The following TAF1 variants were observed in gnomAD, a reference collection of about 807,000 sequenced individuals.
The protein encoded by TAF1 is transcription initiation factor TFIID subunit 1.
In TAF1, 2 loss-of-function variants were observed where a neutral mutation model predicts 138.5. The observed-to-expected ratio is 0.01, with a 90% CI of 0.01 to 0.05. The LOEUF is 0.05. TAF1 is among the 10% of genes least tolerant of loss of function. The pLI is 1.00. For synonymous variants in TAF1, 437 were observed against 503.2 expected, an observed-to-expected ratio of 0.87 and a Z score of 1.76; for missense variants, 709 against 1,478.0, an observed-to-expected ratio of 0.48 and a Z score of 8.53.
chrX:71,429,132 G>A (rs930150521), intron 32 of TAF1, among the ~76,000 whole-genome samples: 48 of 110,450 alleles, frequency 4.3e-4, no homozygotes, highest in African/African-American at 1.5e-3. Flanking sequence ...AAAATTAGCC[G>A]GGCGTGGTGG....
At chrX:71,456,347 T>G (rs1048399209) in intron 34 of TAF1, among the ~76,000 whole-genome samples, 4 of 111,836 alleles carry the variant, frequency 3.6e-5, no homozygotes, top group Non-Finnish European at 7.5e-5. Flanking sequence ...TTTGGTGCAG[T>G]TAGAGGGTTT....
chrX:71,481,006 C>A lies in TAF1; in HGVS notation c.1366+20203C>A, dbSNP rs761156422. Among the ~76,000 whole-genome samples the A allele has an allele frequency of 2.6e-3, 289 of 112,297 alleles. 1 individual carries two copies. The highest frequency in any genetic ancestry group is 9.0e-3 in the African/African-American group (279 of 30,983). On this transcript the variant is annotated intron_variant and NMD_transcript_variant, in intron 13 of 14. Transcript: ENST00000373775. Reference sequence around the variant, plus strand: ...GAGAAGGGACAGGATGGGCTGGGCGCGGTGGCTCACGCCTGTAATCCCAGC... The same window carrying A: ...GAGAAGGGACAGGATGGGCTGGGCGAGGTGGCTCACGCCTGTAATCCCAGC...
intron 28 of TAF1, among the ~76,000 whole-genome samples, chrX:71,419,722 A>C (rs1259124822): frequency 9.0e-6 from 1 of 111,122 alleles, no homozygotes; most frequent in Admixed American, 9.6e-5. Flanking sequence ...CCCTGGCTAA[A>C]AAATAAAAAA....
chrX:71,469,662 C>A (rs1321883147), downstream of TAF1, among the ~76,000 whole-genome samples: 1 of 109,847 alleles, frequency 9.1e-6, no homozygotes, highest in Admixed American at 9.7e-5. Flanking sequence ...TCAAGTGTCT[C>A]CGGAACAAAT....
At chrX:71,410,082 G>A (rs778687761) in intron 28 of TAF1, among the ~76,000 whole-genome samples, 2 of 108,954 alleles carry the variant, frequency 1.8e-5, no homozygotes, top group Non-Finnish European at 3.8e-5. Context: ...CAGTAGAGAC[G>A]GGATTTCTCC....
chrX:71,375,551 T>C (rs1453076976), intron 4 of TAF1, among the ~76,000 whole-genome samples: 2 of 103,998 alleles, frequency 1.9e-5, no homozygotes, highest in African/African-American at 3.5e-5. Context: ...TTAGAATCTT[T>C]AAAAAAAAAA....
At chrX:71,473,481 T>C (rs1209201520) in intron 13 of TAF1, among the ~76,000 whole-genome samples, 1 of 110,404 alleles carries the variant, frequency 9.1e-6, no homozygotes, top group Non-Finnish European at 1.9e-5. Flanking sequence ...GACGTTGCCA[T>C]AGTGAGAATA....
rs1229614319 is a variant in TAF1 at position 71,378,261 on chromosome X, C to T, written c.960C>T (p.Ser320=). The T allele has an allele frequency of 8.3e-7, 1 of 1,209,637 alleles. No individual in the cohort carries two copies. Among genetic ancestry groups the T allele is most frequent in the African/African-American group, 1.8e-5 (1 of 57,047 alleles). The change falls in exon 7 of 38, where the codon TCC becomes TCT. Residue 320 remains serine (S), a synonymous_variant. Transcript: ENST00000423759. ...DEITMMAPVE[S]KFSQSTGDID... ...TCACGATGATGGCTCCTGTGGAGTC[C>T]AAATTTTCCCAATCAACTGGAGATA...
chrX:71,505,749 G>A (rs2039609184), intron 13 of TAF1, among the ~76,000 whole-genome samples: 1 of 111,934 alleles, frequency 8.9e-6, no homozygotes, highest in Non-Finnish European at 1.9e-5. Context: ...GGCTGGGCAA[G>A]GTGGCTCATG....
intron 37 of TAF1, among the ~76,000 whole-genome samples, chrX:71,462,833 C>CA (rs2038609291): frequency 9.0e-6 from 1 of 110,956 alleles, no homozygotes; most frequent in African/African-American, 3.3e-5. Flanking sequence ...CCCTTTGGCC[C>CA]AAAAAATCCA....
rs750366856 is a variant in TAF1 at position 71,377,740 on chromosome X, A to G, written c.852A>G (p.Glu284=). ...TCCAGGAGGTGGAGTGCTCAGTAGA[A>G]TCAGAAGTCAGCCAGAAGTCTTTGT... The part of the protein sequence containing the change: ...EQIQEVECSV[E]SEVSQKSLWN... Residue 284 remains glutamate, a synonymous_variant, in exon 6 of 38, where the codon GAA becomes GAG. Coordinates refer to ENST00000423759, the MANE Select transcript of TAF1 (RefSeq NM_004606.5). 5.0e-6 allele frequency: 6 copies of G among 1,209,804 alleles called. No homozygotes were observed. Among genetic ancestry groups the G allele is most frequent in the Non-Finnish European group, 3.4e-6 (3 of 895,295 alleles).
intron 13 of TAF1, among the ~76,000 whole-genome samples, chrX:71,483,770 C>CTT (rs1366024216): frequency 1.3e-5 from 1 of 77,178 alleles, no homozygotes; most frequent in Non-Finnish European, 2.4e-5. Context: ...CTCTCTCTCT[C>CTT]TCTCTCTCTC....
chrX:71,373,229 G>A (rs1308852453), intron 3 of TAF1, among the ~76,000 whole-genome samples: 1 of 103,300 alleles, frequency 9.7e-6, no homozygotes, highest in African/African-American at 3.6e-5. Flanking sequence ...GTGCAGTGGC[G>A]CAATCTCGGT....
At chrX:71,379,171 A>G in intron 8 of TAF1, 140 bp downstream of exon 8, 1 of 617,841 alleles carries the variant, frequency 1.6e-6, no homozygotes, top group Non-Finnish European at 2.4e-6. Flanking sequence ...GATGGAGTGC[A>G]ATGGTGCAGT....
chrX:71,452,294 A>C (rs2038030648), intron 32 of TAF1, among the ~76,000 whole-genome samples: 2 of 106,723 alleles, frequency 1.9e-5, no homozygotes, highest in African/African-American at 7.0e-5. Flanking sequence ...GGGGCTCCTC[A>C]CTTCTCAGAC....
chrX:71,442,930 C>G (rs1020929714), intron 32 of TAF1, among the ~76,000 whole-genome samples: 3 of 111,922 alleles, frequency 2.7e-5, no homozygotes, highest in Non-Finnish European at 5.6e-5. Flanking sequence ...ATCCTTTCCC[C>G]ATTTCTTGTT....
chrX:71,367,161 C>T (rs775900151), intron 1 of TAF1, among the ~76,000 whole-genome samples: 2 of 112,548 alleles, frequency 1.8e-5, no homozygotes, highest in African/African-American at 3.2e-5. Context: ...CCCGCCTCGA[C>T]GCCTCCAATC....
intron 8 of TAF1, among the ~76,000 whole-genome samples, chrX:71,380,827 A>G (rs1213266346): frequency 9.0e-6 from 1 of 111,362 alleles, no homozygotes; most frequent in Non-Finnish European, 1.9e-5. Flanking sequence ...AGTAGCTGGG[A>G]TTATAGGCGT....
intron 3 of TAF1, chrX:71,368,810 G>A (rs1245204226): frequency 2.9e-5 from 2 of 68,313 alleles, no homozygotes; most frequent in East Asian, 1.1e-3. Flanking sequence ...GAGACACTCC[G>A]TCTCAAAAAA....
Sources: allele counts gnomAD v4.1 joint callset (sites outside exome capture counted in the v4.1 genomes callset), GRCh38; gene constraint gnomAD v4.1.1; transcripts MANE v1.5; gene names NCBI Gene and HGNC (gene_info 2026-07-23, HGNC 2026-07-21).